PCDH7: variants seen among roughly 807,000 people sequenced by gnomAD.
PCDH7 encodes protocadherin-7.
A neutral mutation model predicts 58.9 loss-of-function variants in PCDH7; 17 were observed. That is an observed-to-expected ratio of 0.29 (90% CI 0.20 to 0.43). The LOEUF is 0.43. PCDH7 is among the 20% of genes least tolerant of loss of function. The pLI, the probability that PCDH7 is intolerant of heterozygous loss-of-function variation, is 1.00. For synonymous variants in PCDH7, 664 were observed against 616.4 expected (o/e 1.08, Z -1.14); for missense variants, 1,274 against 1,441.0 (o/e 0.88, Z 1.88).
intron 1 of PCDH7, among the ~76,000 whole-genome samples, chr4:30,841,294 A>G (rs938342395): frequency 2.6e-5 from 4 of 152,056 alleles, no homozygotes; most frequent in Non-Finnish European, 5.9e-5. Flanking sequence ...CTAGTAATAT[A>G]TTTTTCCGGA....
At chr4:31,063,178 C>T (rs1487514351) in intron 3 of PCDH7, among the ~76,000 whole-genome samples, 1 of 151,866 alleles carries the variant, frequency 6.6e-6, no homozygotes, top group Admixed American at 6.6e-5. Context: ...AATCAGTTAA[C>T]TCACTCATTC....
chr4:31,125,226 A>T (rs1219637668), intron 3 of PCDH7, among the ~76,000 whole-genome samples: 1 of 152,174 alleles, frequency 6.6e-6, no homozygotes, highest in African/African-American at 2.4e-5. Context: ...CTCCAGGAAA[A>T]ACAGGTTGGA....
chr4:30,868,401 G>T (rs1460933946), intron 1 of PCDH7, among the ~76,000 whole-genome samples: 1 of 152,074 alleles, frequency 6.6e-6, no homozygotes, highest in Non-Finnish European at 1.5e-5. Flanking sequence ...GCTGACTTAA[G>T]TTCCTTGCTG....
At chr4:30,909,771 A>G (rs1451038549) in intron 1 of PCDH7, among the ~76,000 whole-genome samples, 2 of 152,210 alleles carry the variant, frequency 1.3e-5, no homozygotes, top group Non-Finnish European at 2.9e-5. Context: ...TATAGATTCA[A>G]TGCTATTCCC....
chr4:30,838,734 G>A (rs1730836229), intron 1 of PCDH7, among the ~76,000 whole-genome samples: 1 of 151,952 alleles, frequency 6.6e-6, no homozygotes. Flanking sequence ...AAAGAACTGT[G>A]GATCTTATTT....
chr4:30,903,457 T>C (rs1181498055), intron 1 of PCDH7, among the ~76,000 whole-genome samples: 1 of 152,122 alleles, frequency 6.6e-6, no homozygotes, highest in Non-Finnish European at 1.5e-5. Flanking sequence ...TCCTGGATTT[T>C]TTTTTTGTCT....
chr4:30,841,913 A>G (rs924287725), intron 1 of PCDH7, among the ~76,000 whole-genome samples: 2 of 152,112 alleles, frequency 1.3e-5, no homozygotes, highest in South Asian at 4.1e-4. Flanking sequence ...CCTCTGGTTT[A>G]TACATTTAAG....
intron 3 of PCDH7, among the ~76,000 whole-genome samples, chr4:31,101,789 C>T (rs1486105344): frequency 1.3e-5 from 2 of 152,176 alleles, no homozygotes; most frequent in East Asian, 3.8e-4. Context: ...ATGCAAGGCA[C>T]TGCGAAGCAT....
intron 1 of PCDH7, among the ~76,000 whole-genome samples, chr4:30,842,532 C>T (rs1731353987): frequency 6.6e-6 from 1 of 152,108 alleles, no homozygotes. Context: ...ATCCCCAGAA[C>T]ATATAGGTAT....
At chr4:31,140,329 G>A (rs756727101) in intron 3 of PCDH7, among the ~76,000 whole-genome samples, 4 of 152,094 alleles carry the variant, frequency 2.6e-5, no homozygotes, top group Non-Finnish European at 4.4e-5. Flanking sequence ...GACATATTGT[G>A]TGAGACATAA....
intron 1 of PCDH7, among the ~76,000 whole-genome samples, chr4:30,836,747 G>A (rs1456232365): frequency 6.6e-6 from 1 of 152,012 alleles, no homozygotes; most frequent in African/African-American, 2.4e-5. Context: ...ACTCTAGCTG[G>A]TTCAGATCAT....
chr4:30,846,281 A>G (rs1048233570), intron 1 of PCDH7, among the ~76,000 whole-genome samples: 1 of 152,028 alleles, frequency 6.6e-6, no homozygotes, highest in African/African-American at 2.4e-5. Context: ...GCCCTCATGA[A>G]TGGATTCATG....
At chr4:30,771,270 T>C (rs1721361988) in intron 1 of PCDH7, among the ~76,000 whole-genome samples, 1 of 152,222 alleles carries the variant, frequency 6.6e-6, no homozygotes, top group Non-Finnish European at 1.5e-5. Flanking sequence ...GACAAATGAC[T>C]GTTGTTAAAT....
rs1282235707 is a variant in PCDH7, at chr4:30,970,406, T to C, written c.*7+20191T>C. On this transcript the variant is annotated intron_variant, in intron 3 of 3. Coordinates refer to the PCDH7 transcript ENST00000509759. ...CCCTGCCGTGTTCACGCCATTCTCCTGCCTCAGCCTCCCCAGTAGCTGGGA... is the reference window on the plus strand; with the variant it reads ...CCCTGCCGTGTTCACGCCATTCTCCCGCCTCAGCCTCCCCAGTAGCTGGGA... Among the ~76,000 whole-genome samples the C allele has an allele frequency of 2.6e-5, 4 of 152,024 alleles. No individual in the cohort carries two copies. In the East Asian group the frequency reaches 7.8e-4, roughly 29 times the overall value.
intron 1 of PCDH7, among the ~76,000 whole-genome samples, chr4:30,729,108 C>A (rs772521256): frequency 6.6e-6 from 1 of 151,836 alleles, no homozygotes; most frequent in East Asian, 1.9e-4. Flanking sequence ...GACTGAGGCC[C>A]AGCATGAAAC....
chr4:31,087,591 G>T (rs1010134245), intron 3 of PCDH7, among the ~76,000 whole-genome samples: 13 of 151,978 alleles, frequency 8.6e-5, no homozygotes, highest in Non-Finnish European at 1.6e-4. Context: ...TAGAATGGTG[G>T]GCAGGAACAA....
At chr4:31,106,197 C>G (rs922417610) in intron 3 of PCDH7, among the ~76,000 whole-genome samples, 5 of 152,080 alleles carry the variant, frequency 3.3e-5, no homozygotes, top group Non-Finnish European at 5.9e-5. Flanking sequence ...CTTTTCAAAG[C>G]TCTGCCATTG....
chr4:31,011,732 A>G lies in PCDH7; in HGVS notation c.*7+61517A>G, dbSNP rs140949781. Among the ~76,000 whole-genome samples the G allele has an allele frequency of 2.6e-3, 395 of 152,142 alleles. 2 individuals are homozygous for G. The highest frequency in any genetic ancestry group is 3.4e-3 in the Middle Eastern group (1 of 294). ...TAATTACCTATCTAATCACTACCAT[A>G]GTTCAAAACTGTAAACACATTTATT... On this transcript the variant is annotated intron_variant, in intron 3 of 3. Coordinates refer to the PCDH7 transcript ENST00000509759.
At chr4:31,049,793 T>A (rs1756591336) in intron 3 of PCDH7, among the ~76,000 whole-genome samples, 1 of 152,052 alleles carries the variant, frequency 6.6e-6, no homozygotes, top group Admixed American at 6.6e-5. Flanking sequence ...AGTCACATGG[T>A]CTCCAGTGAG....
Sources: allele counts gnomAD v4.1 joint callset (sites outside exome capture counted in the v4.1 genomes callset), GRCh38; gene constraint gnomAD v4.1.1; transcripts MANE v1.5; gene names NCBI Gene and HGNC (gene_info 2026-07-23, HGNC 2026-07-21).